The following ATP1B4 variants were observed in gnomAD, a reference collection of about 807,000 sequenced individuals.
ATP1B4 encodes ATPase Na+/K+ transporting family member beta 4.
A neutral mutation model predicts 29.6 loss-of-function variants in ATP1B4; 32 were observed. That is an observed-to-expected ratio of 1.08 (90% confidence interval 0.82 to 1.45). The LOEUF is 1.45. Ranked by LOEUF, ATP1B4 falls within the 40% of genes most tolerant of loss-of-function variation. ATP1B4 has a pLI of 0.00. For synonymous variants in ATP1B4, 127 were observed against 102.1 expected, an observed-to-expected ratio of 1.24 and a Z score of -1.47; for missense variants, 323 against 276.2, an observed-to-expected ratio of 1.17 and a Z score of -1.20.
rs747595115 is a variant in ATP1B4, at chrX:120,373,291, TA to T, written c.563-2074del. Among the ~76,000 whole-genome samples the T allele has an allele frequency of 2.7e-4, 30 of 112,371 alleles. No individual in the cohort carries two copies. The South Asian group carries it at 0.01, about 39-fold the overall frequency. ...AGTTATTTGAGCATAGTTCTTGCTC[TA>T]AAAAAATTAAAACAAAGCCTTGAAT... On this transcript the variant is annotated intron_variant, in intron 4 of 7. Coordinates refer to ENST00000218008, the MANE Select transcript of ATP1B4 (RefSeq NM_001142447.3).
At position 120,378,703 on chromosome X, in the gene ATP1B4, C is replaced by G; in HGVS notation, c.842C>G (p.Ser281Cys). 8.3e-7 allele frequency: 1 copy of G among 1,210,685 alleles called. No homozygotes were observed. The highest frequency in any genetic ancestry group is 1.1e-6 in the Non-Finnish European group (1 of 894,714). The change falls in exon 7 of 8, where the codon TCC (serine) becomes TGC (cysteine). Residue 281 changes from serine to cysteine, a missense_variant. Transcript: ENST00000218008. ...AGAGGTGATGAAAATGACATCCGAT[C>G]CATCAGTTACTACCCAGAGTCGGCT... ...VQRGDENDIRSISYYPESASF... is the reference protein window; with the variant it reads ...VQRGDENDIRCISYYPESASF...
intron 5 of ATP1B4, among the ~76,000 whole-genome samples, chrX:120,375,824 C>A (rs1458043255): frequency 9.1e-6 from 1 of 109,740 alleles, no homozygotes; most frequent in Non-Finnish European, 1.9e-5. Context: ...GGGTCCTAGT[C>A]AAGTGCAGTG....
chrX:120,378,229 G>A (rs2058365974), intron 6 of ATP1B4, among the ~76,000 whole-genome samples: 1 of 111,784 alleles, frequency 8.9e-6, no homozygotes, highest in African/African-American at 3.3e-5. Flanking sequence ...AAATCGTGGA[G>A]TGGGATTTAC....
chrX:120,378,564 G>A lies in ATP1B4; in HGVS notation c.817-114G>A, dbSNP rs779770541. ...TCCATTCTGCTTTCATGGTCTTCCT[G>A]GAACAGTTGGTTATGGTTCACACAG... On this transcript the variant is annotated intron_variant, in intron 6 of 7. Coordinates refer to ENST00000218008, the MANE Select transcript of ATP1B4 (RefSeq NM_001142447.3). The A allele has an allele frequency of 3.3e-5, 21 of 634,432 alleles. No individual in the cohort carries two copies. The East Asian group carries it at 6.5e-4, about 20-fold the overall frequency. The allele number at this position is 634,432 out of a possible 1,213,427, so 52.3% of individuals were successfully genotyped here.
chrX:120,374,483 T>A (rs2058330842), intron 4 of ATP1B4, among the ~76,000 whole-genome samples: 1 of 93,498 alleles, frequency 1.1e-5, no homozygotes, highest in Non-Finnish European at 2.1e-5. Context: ...TACCCTTATA[T>A]ATACCAGGAT....
rs2058316084 is a variant in ATP1B4 at position 120,372,024 on chromosome X, G to T, written c.562+814G>T. On this transcript the variant is annotated intron_variant, in intron 4 of 7. Coordinates refer to ENST00000218008, the MANE Select transcript of ATP1B4 (RefSeq NM_001142447.3). The stretch of plus-strand genomic sequence containing the variant: ...GAGTTAGAGGAAGAATCTCTGGGTG[G>T]CAGTCGCTCCAACATTCTGATCCCA... Among the ~76,000 whole-genome samples, 4 of 112,270 alleles carry T rather than the reference G, an allele frequency of 3.6e-5. No individual in the cohort carries two copies. In the Admixed American group the frequency reaches 3.8e-4, roughly 11 times the overall value.
intron 5 of ATP1B4, 121 bp downstream of exon 5, chrX:120,375,689 GTATCAT>G (rs2058350418): frequency 1.8e-6 from 1 of 544,498 alleles, no homozygotes; most frequent in Non-Finnish European, 2.9e-6. Flanking sequence ...TTTTCTGACA[GTATCAT>G]AAATACAAAT....
chrX:120,369,279 C>T (rs899112250), intron 2 of ATP1B4, among the ~76,000 whole-genome samples: 2 of 111,971 alleles, frequency 1.8e-5, no homozygotes, highest in Non-Finnish European at 3.8e-5. Flanking sequence ...CAGGTGCTGT[C>T]GTTTATTCTC....
At chrX:120,375,273 G>C in intron 4 of ATP1B4, 99 bp from the exon 5 acceptor site, 1 of 771,235 alleles carries the variant, frequency 1.3e-6, no homozygotes, top group Non-Finnish European at 1.9e-6. Context: ...GTACAAACAA[G>C]CTGGAGAAAG....
rs2058263737 is a variant in ATP1B4 at position 120,362,139 on chromosome X, C to T, written c.-30C>T. On this transcript the variant is annotated 5_prime_UTR_variant, in exon 1 of 8. Coordinates refer to ENST00000218008, the MANE Select transcript of ATP1B4 (RefSeq NM_001142447.3). ...CCAGAACTCTCACCCGATTGCCTGC[C>T]TCTGCTGCGTCTTTGCCCACTGAAC... 1 of 1,193,846 alleles carries T rather than the reference C, an allele frequency of 8.4e-7. No homozygotes were observed. The highest frequency in any genetic ancestry group is 1.7e-5 in the African/African-American group (1 of 57,465).
In ATP1B4 at chrX:120,379,878, A is replaced by G. The variant is rs1487092013; in HGVS notation, c.*244A>G. Reference sequence around the variant, plus strand: ...ATTTCCTTTCCCTCCACTTAAAACTAAAGCCTGTTCTTGCTGCTGGTAATC... The same window carrying G: ...ATTTCCTTTCCCTCCACTTAAAACTGAAGCCTGTTCTTGCTGCTGGTAATC... On this transcript the variant is annotated 3_prime_UTR_variant, in exon 8 of 8. Coordinates refer to ENST00000218008, the MANE Select transcript of ATP1B4 (RefSeq NM_001142447.3). The G allele has an allele frequency of 1.4e-5, 4 of 285,649 alleles. No individual in the cohort carries two copies. The highest frequency in any genetic ancestry group is 5.8e-5 in the East Asian group (1 of 17,130). The allele number at this position is 285,649 out of a possible 1,213,427, so 23.5% of individuals were successfully genotyped here.
intron 4 of ATP1B4, among the ~76,000 whole-genome samples, chrX:120,375,164 G>T (rs1178351512): frequency 9.1e-6 from 1 of 110,021 alleles, no homozygotes; most frequent in African/African-American, 3.3e-5. Context: ...CTGGGCTGAA[G>T]TGACTAGTCA....
rs1338427112 is a variant in ATP1B4, at chrX:120,381,194, G to A, written c.*1560G>A. Reference sequence around the variant, plus strand: ...AAAAATATCTTGAGCTAAGAAAGTAGCAGAGGAAATTTCACATGCAAAGCC... The same window carrying A: ...AAAAATATCTTGAGCTAAGAAAGTAACAGAGGAAATTTCACATGCAAAGCC... On this transcript the variant is annotated 3_prime_UTR_variant, in exon 8 of 8. Coordinates refer to ENST00000218008, the MANE Select transcript of ATP1B4 (RefSeq NM_001142447.3). 1.8e-5 allele frequency: 2 copies of A among 111,948 alleles called. No homozygotes were observed. Among genetic ancestry groups the A allele is most frequent in the Non-Finnish European group, 3.8e-5 (2 of 53,211 alleles). 9.2% of individuals were successfully genotyped at this position (111,948 alleles called of 1,213,427 possible). A position where few individuals can be genotyped will look rare whatever the true frequency, so the allele number is the denominator to read the frequency against.
intron 6 of ATP1B4, 70 bp downstream of exon 6, chrX:120,376,506 A>G: frequency 1.1e-6 from 1 of 947,697 alleles, no homozygotes; most frequent in South Asian, 2.0e-5. Context: ...CATCACTTTC[A>G]AGGACTTACA....
Position 120,378,669 on chromosome X carries a change from T to C in ATP1B4, c.817-9T>C. ...CCAGCACCCCACATATACCTGCTTT[T>C]GCTTACAGAGAGGTGATGAAAATGA... On this transcript the variant is annotated splice_polypyrimidine_tract_variant and intron_variant, in intron 6 of 7. Coordinates refer to ENST00000218008, the MANE Select transcript of ATP1B4 (RefSeq NM_001142447.3). The C allele has an allele frequency of 8.3e-7, 1 of 1,206,470 alleles. No individual in the cohort carries two copies. Among genetic ancestry groups the C allele is most frequent in the Admixed American group, 2.2e-5 (1 of 45,965 alleles).
chrX:120,365,300 G>T (rs927545957), intron 1 of ATP1B4, among the ~76,000 whole-genome samples: 6 of 112,235 alleles, frequency 5.3e-5, no homozygotes, highest in Admixed American at 4.7e-4. Context: ...ATTCAAGAGG[G>T]CTTATAATCA....
chrX:120,378,898 C>T (rs950965595), intron 7 of ATP1B4, 125 bp downstream of exon 7: 2 of 533,564 alleles, frequency 3.7e-6, no homozygotes, highest in Non-Finnish European at 6.3e-6. Flanking sequence ...CTGGCCATAA[C>T]CAGGAGCTCC....
Position 120,376,372 on chromosome X carries a change from T to C in ATP1B4, c.760-8T>C, listed in dbSNP as rs758735810. 6 of 1,208,231 alleles carry C rather than the reference T, an allele frequency of 5.0e-6. No individual in the cohort carries two copies. The highest frequency in any genetic ancestry group is 1.7e-5 in the African/African-American group (1 of 57,751). The stretch of plus-strand genomic sequence containing the variant: ...AAAAAAAATAAAACACTGGTTTTCT[T>C]TTGATAGATTGTAGGCTTTCGTCCT... On this transcript the variant is annotated splice_polypyrimidine_tract_variant and splice_region_variant and intron_variant, in intron 5 of 7. Transcript: ENST00000218008.
At chrX:120,377,604 TCCCTA>T (rs1483508094) in intron 6 of ATP1B4, among the ~76,000 whole-genome samples, 1 of 112,419 alleles carries the variant, frequency 8.9e-6, no homozygotes, top group African/African-American at 3.2e-5. Flanking sequence ...TACTTATTGT[TCCCTA>T]ATGGAAGCTG....
Sources: allele counts gnomAD v4.1 joint callset (sites outside exome capture counted in the v4.1 genomes callset), GRCh38; gene constraint gnomAD v4.1.1; transcripts MANE v1.5; gene names NCBI Gene and HGNC (gene_info 2026-07-23, HGNC 2026-07-21).